The following TBCK variants were observed in gnomAD, a reference collection of about 807,000 sequenced individuals.
The protein encoded by TBCK is TBC1 domain containing kinase, also known as TBC domain-containing protein kinase-like protein.
Under a neutral mutation model 113.4 loss-of-function variants are expected in TBCK, and 99 were observed. That is an observed-to-expected ratio of 0.87 (90% CI 0.74 to 1.03). The LOEUF (loss-of-function observed/expected upper bound fraction) is 1.03. TBCK is among the 50% of genes least tolerant of loss of function. The probability of loss-of-function intolerance (pLI) is 0.00; values close to 1 mark genes in which losing one functional copy is unlikely to be tolerated. For missense variants in TBCK, 1,045 were observed against 1,061.3 expected (o/e 0.98, Z 0.21); for synonymous variants, 369 against 370.8 (o/e 1.00, Z 0.05).
At position 106,075,483 on chromosome 4, in the gene TBCK, T is replaced by C. The variant is rs1448792725; in HGVS notation, c.2571+19999A>G. On this transcript the variant is annotated intron_variant, in intron 25 of 25. Coordinates refer to ENST00000394708, the MANE Select transcript of TBCK (RefSeq NM_001163435.3). Reference sequence around the variant, plus strand: ...ATGGCTCTTTAATAAAAATATATGATACTAGTAGCAATAAATAATCTGAAT... The same window carrying C: ...ATGGCTCTTTAATAAAAATATATGACACTAGTAGCAATAAATAATCTGAAT... 5.9e-5 allele frequency among the ~76,000 whole-genome samples: 9 copies of C among 152,318 alleles called. No individual in the cohort carries two copies. In the East Asian group the frequency reaches 1.2e-3, roughly 20 times the overall value.
At chr4:106,276,177 T>C (rs1439098943) in intron 3 of TBCK, among the ~76,000 whole-genome samples, 1 of 152,198 alleles carries the variant, frequency 6.6e-6, no homozygotes, top group Non-Finnish European at 1.5e-5. Flanking sequence ...ATGAAAATTC[T>C]TTTAAACGAT....
chr4:106,171,665 A>AG (rs1282281284), intron 22 of TBCK, among the ~76,000 whole-genome samples: 1 of 152,124 alleles, frequency 6.6e-6, no homozygotes, highest in Non-Finnish European at 1.5e-5. Context: ...CAAAAGTTAT[A>AG]GGGGGAGAAT....
chr4:106,049,475 A>G (rs1734571698), intron 25 of TBCK, among the ~76,000 whole-genome samples: 1 of 152,080 alleles, frequency 6.6e-6, no homozygotes, highest in Admixed American at 6.6e-5. Context: ...TTATCAGACA[A>G]TATTCTTTGT....
At position 106,263,507 on chromosome 4, in the gene TBCK, G is replaced by C. The variant is rs578202592; in HGVS notation, c.267-1295C>G. On this transcript the variant is annotated intron_variant, in intron 3 of 25. Coordinates refer to ENST00000394708, the MANE Select transcript of TBCK (RefSeq NM_001163435.3). ...AACAGATTGCCATGGGCTTGGGTGG[G>C]GGGTAGGTGGACTACAAAAGAGTAT... Among the ~76,000 whole-genome samples the C allele has an allele frequency of 7.3e-4, 111 of 151,928 alleles. 6 individuals carry two copies. In the South Asian group the frequency reaches 0.022, roughly 31 times the overall value.
At chr4:106,128,144 T>C (rs138187003) in intron 23 of TBCK, among the ~76,000 whole-genome samples, 30 of 152,356 alleles carry the variant, frequency 2.0e-4, no homozygotes, top group Admixed American at 1.8e-3. Context: ...ATTTTAAATA[T>C]AGCTCATCAA....
chr4:106,058,164 C>T (rs1735646277), intron 25 of TBCK, among the ~76,000 whole-genome samples: 1 of 151,764 alleles, frequency 6.6e-6, no homozygotes, highest in Non-Finnish European at 1.5e-5. Flanking sequence ...TAGTCCCTCT[C>T]CTTAATGAAC....
At chr4:106,208,925 T>C (rs556615113) in intron 20 of TBCK, among the ~76,000 whole-genome samples, 46 of 152,144 alleles carry the variant, frequency 3.0e-4, no homozygotes, top group Non-Finnish European at 5.7e-4. Flanking sequence ...AAGGTGGAAG[T>C]AGGTCATGGC....
chr4:106,279,676 A>G (rs905700080), intron 3 of TBCK, among the ~76,000 whole-genome samples: 12 of 152,128 alleles, frequency 7.9e-5, no homozygotes, highest in African/African-American at 2.7e-4. Flanking sequence ...AGGTGAGAAC[A>G]TGTAAAGTTT....
chr4:106,237,534 T>C (rs1226562047), intron 12 of TBCK: 7 of 455,712 alleles, frequency 1.5e-5, no homozygotes, highest in Admixed American at 1.4e-4. Flanking sequence ...GCAGAATGTC[T>C]GCTCCTATGG....
intron 5 of TBCK, among the ~76,000 whole-genome samples, chr4:106,252,406 G>A (rs1306610293): frequency 6.6e-6 from 1 of 151,790 alleles, no homozygotes; most frequent in Non-Finnish European, 1.5e-5. Flanking sequence ...GAATGTTAAT[G>A]CTATAAAAAA....
rs375402795 is a variant in TBCK, at chr4:106,225,519, G to A, written c.1774+4844C>T. ...CTGTCACCCAGGCTGGAGTGCAGTGGCGCAATCTCGGTTCACTGCAAGCTC... is the reference window on the plus strand; with the variant it reads ...CTGTCACCCAGGCTGGAGTGCAGTGACGCAATCTCGGTTCACTGCAAGCTC... On this transcript the variant is annotated intron_variant, in intron 19 of 25. Coordinates refer to ENST00000394708, the MANE Select transcript of TBCK (RefSeq NM_001163435.3). 1.3e-4 allele frequency among the ~76,000 whole-genome samples: 20 copies of A among 152,118 alleles called. 1 individual carries two copies. In the East Asian group the frequency reaches 1.9e-3, roughly 15 times the overall value.
chr4:106,201,702 A>G (rs1754903376), intron 20 of TBCK, among the ~76,000 whole-genome samples: 1 of 152,034 alleles, frequency 6.6e-6, no homozygotes, highest in South Asian at 2.1e-4. Flanking sequence ...TAGGAAAAAC[A>G]AAGGAAGGGG....
Position 106,244,775 on chromosome 4 carries a change from C to T in TBCK, c.932-11G>A, listed in dbSNP as rs541804963. ...AATCATTATTTATATCTATTAAAAG[C>T]AAATTTAAGGAATCATTGTATTATA... On this transcript the variant is annotated splice_polypyrimidine_tract_variant and intron_variant, in intron 10 of 25. Coordinates refer to ENST00000394708, the MANE Select transcript of TBCK (RefSeq NM_001163435.3). 203 of 1,495,220 alleles carry T rather than the reference C, an allele frequency of 1.4e-4. 3 individuals are homozygous for T. In the South Asian group the frequency reaches 2.1e-3, roughly 16 times the overall value. 92.6% of individuals were successfully genotyped at this position (1,495,220 alleles called of 1,614,324 possible). A position where few individuals can be genotyped will look rare whatever the true frequency, so the allele number is the denominator to read the frequency against.
chr4:106,172,173 G>C (rs1751112386), intron 22 of TBCK, among the ~76,000 whole-genome samples: 1 of 152,056 alleles, frequency 6.6e-6, no homozygotes, highest in Non-Finnish European at 1.5e-5. Context: ...GTTAAATGAA[G>C]AAAGGTTTTA....
rs1159686897 is a variant in TBCK, at chr4:106,044,738, A to T, written c.*1832T>A. 1.3e-5 allele frequency: 2 copies of T among 152,258 alleles called. No homozygotes were observed. The highest frequency in any genetic ancestry group is 4.8e-5 in the African/African-American group (2 of 41,468). The allele number at this position is 152,258 out of a possible 1,614,324, so 9.4% of individuals were successfully genotyped here. A position where few individuals can be genotyped will look rare whatever the true frequency, so the allele number is the denominator to read the frequency against. On this transcript the variant is annotated 3_prime_UTR_variant, in exon 26 of 26. Transcript: ENST00000394708. ...ACTGATTGCACAACTTTGTGAATAC[A>T]CTAAAAACTACTGAACTGTACATGT...
At chr4:106,271,439 A>C (rs944547071) in intron 3 of TBCK, among the ~76,000 whole-genome samples, 1 of 152,158 alleles carries the variant, frequency 6.6e-6, no homozygotes, top group African/African-American at 2.4e-5. Flanking sequence ...ATAAGATGGT[A>C]GCTAATTTAG....
intron 24 of TBCK, among the ~76,000 whole-genome samples, chr4:106,111,861 C>G (rs1170644998): frequency 6.6e-6 from 1 of 152,184 alleles, no homozygotes; most frequent in Non-Finnish European, 1.5e-5. Flanking sequence ...GTAATATTAA[C>G]TGGATTTGCC....
chr4:106,306,958 G>GA (rs1199763091), intron 2 of TBCK, among the ~76,000 whole-genome samples: 1 of 152,116 alleles, frequency 6.6e-6, no homozygotes, highest in African/African-American at 2.4e-5. Flanking sequence ...ATGTCAATAT[G>GA]AAAAAACAAA....
intron 25 of TBCK, among the ~76,000 whole-genome samples, chr4:106,088,215 C>A (rs2149502912): frequency 6.6e-6 from 1 of 152,244 alleles, no homozygotes; most frequent in South Asian, 2.1e-4. Context: ...TGACGAAGGT[C>A]TAACATCCAG....
Sources: gnomAD v4.1 joint callset for allele counts (sites outside exome capture counted in the v4.1 genomes callset) on GRCh38, gnomAD v4.1.1 for gene constraint, MANE v1.5 for transcripts, NCBI Gene and HGNC (gene_info 2026-07-23, HGNC 2026-07-21) for gene names.